The following PPP6R2 variants were observed in gnomAD, a reference collection of about 807,000 sequenced individuals.
The protein encoded by PPP6R2 is serine/threonine-protein phosphatase 6 regulatory subunit 2.
PPP6R2 carries 62 observed loss-of-function variants against 100.2 expected under a neutral mutation model. The ratio of observed to expected loss-of-function variants is 0.62; its 90% CI spans 0.50 to 0.76. The LOEUF is 0.76. PPP6R2 is among the 30% of genes least tolerant of loss of function. The pLI is 0.00. For synonymous variants in PPP6R2, 525 were observed against 514.7 expected (o/e 1.02, Z -0.27); for missense variants, 1,142 against 1,276.3 (o/e 0.89, Z 1.60).
chr22:50,334,362 G>A, the PPP6R2 span, among the ~76,000 whole-genome samples: 8 of 152,220 alleles, frequency 5.3e-5, no homozygotes, highest in South Asian at 1.0e-3. Flanking sequence ...ACTTCTCACC[G>A]TGTCCCTTCA....
rs371590327 is a variant in PPP6R2 at position 50,441,554 on chromosome 22, C to G, written c.2579+528C>G. On this transcript the variant is annotated intron_variant, in intron 22 of 23. Coordinates refer to ENST00000612753, the MANE Select transcript of PPP6R2 (RefSeq NM_001242898.2). ...CTATGATTCCGAGACGCCTCAGAAGCAGGATAGTAGGATGGGGGGCGGCGG... is the reference window on the plus strand; with the variant it reads ...CTATGATTCCGAGACGCCTCAGAAGGAGGATAGTAGGATGGGGGGCGGCGG... 6.6e-5 allele frequency among the ~76,000 whole-genome samples: 10 copies of G among 152,278 alleles called. No homozygotes were observed. In the East Asian group the frequency reaches 1.2e-3, roughly 18 times the overall value.
chr22:50,414,742 C>CAGCTG, intron 5 of PPP6R2, 53 bp downstream of exon 5: 1 of 1,582,460 alleles, frequency 6.3e-7, no homozygotes, highest in Non-Finnish European at 8.6e-7. Context: ...TGCAGGAAGC[C>CAGCTG]AGCTGGTTAA....
At chr22:50,396,226 G>A (rs73439394) in intron 3 of PPP6R2, among the ~76,000 whole-genome samples, 73,425 of 138,112 alleles carry the variant, frequency 0.53, 21,671 homozygotes, top group African/African-American at 0.82. Flanking sequence ...GCCGGGTGTG[G>A]TGGCTCACAC....
chr22:50,350,231 T>C (rs1443737859), intron 1 of PPP6R2, among the ~76,000 whole-genome samples: 1 of 152,116 alleles, frequency 6.6e-6, no homozygotes, highest in African/African-American at 2.4e-5. Flanking sequence ...TACTTCTAGT[T>C]CTGTTACTTA....
At chr22:50,441,089 C>A in intron 22 of PPP6R2, 63 bp downstream of exon 22, 4 of 1,347,386 alleles carry the variant, frequency 3.0e-6, no homozygotes, top group Non-Finnish European at 4.0e-6. Flanking sequence ...CAGGCTCTGT[C>A]CCCAGGTCTC....
At chr22:50,397,773 C>A (rs2057294678) in intron 3 of PPP6R2, among the ~76,000 whole-genome samples, 1 of 45,888 alleles carries the variant, frequency 2.2e-5, no homozygotes. Context: ...GGGGGCCTGT[C>A]CTCACCAGCC....
chr22:50,409,563 G>A (rs771154891), intron 4 of PPP6R2, among the ~76,000 whole-genome samples: 1 of 152,094 alleles, frequency 6.6e-6, no homozygotes, highest in Non-Finnish European at 1.5e-5. Context: ...CAGTAGCCGG[G>A]TCTGCAGGCG....
At chr22:50,349,381 A>C (rs1382950384) in intron 1 of PPP6R2, among the ~76,000 whole-genome samples, 1 of 150,128 alleles carries the variant, frequency 6.7e-6, no homozygotes, top group Non-Finnish European at 1.5e-5. Flanking sequence ...AAAAAAAAAA[A>C]AAACGGGCTG....
intron 1 of PPP6R2, among the ~76,000 whole-genome samples, chr22:50,348,800 G>C (rs1323160930): frequency 6.6e-6 from 1 of 152,166 alleles, no homozygotes; most frequent in Admixed American, 6.6e-5. Flanking sequence ...GGGTGCGGTG[G>C]TTCACGCCTG....
rs138045640 is a variant in PPP6R2, at chr22:50,354,449, G to A, written c.-148+10899G>A. 2.9e-3 allele frequency among the ~76,000 whole-genome samples: 445 copies of A among 152,292 alleles called. 2 individuals are homozygous for A. Among genetic ancestry groups the A allele is most frequent in the African/African-American group, 9.9e-3 (410 of 41,558 alleles). The stretch of plus-strand genomic sequence containing the variant: ...CATGTCCTTTGAGCATCATGTAGAT[G>A]CTCAACAAGTTTTGGATTGGAGTGC... On this transcript the variant is annotated intron_variant, in intron 1 of 23. Transcript: ENST00000612753.
At position 50,423,419 on chromosome 22, in the gene PPP6R2, C is replaced by T; in HGVS notation, c.973-43C>T. ...CCCAGAGACTCCAGCAGTGGCCTCA[C>T]TGCTCACAGGGCCTAACTGGGTGGT... On this transcript the variant is annotated intron_variant, in intron 9 of 23. Coordinates refer to ENST00000612753, the MANE Select transcript of PPP6R2 (RefSeq NM_001242898.2). The surrounding 1 kb of genome is among the most constrained non-coding windows in gnomAD (Gnocchi z 4.8). 2 of 1,611,050 alleles carry T rather than the reference C, an allele frequency of 1.2e-6. No individual in the cohort carries two copies. The highest frequency in any genetic ancestry group is 1.7e-6 in the Non-Finnish European group (2 of 1,177,586).
intron 1 of PPP6R2, among the ~76,000 whole-genome samples, chr22:50,366,179 G>T (rs1056838331): frequency 2.0e-5 from 3 of 152,034 alleles, no homozygotes; most frequent in African/African-American, 4.8e-5. Context: ...TTTAGTCTAG[G>T]GCTAGTTTTG....
chr22:50,437,768 G>A (rs769631975), intron 16 of PPP6R2, 75 bp from the exon 17 acceptor site: 14 of 1,501,976 alleles, frequency 9.3e-6, no homozygotes, highest in Admixed American at 2.0e-5. Context: ...GATGAGCACC[G>A]GGGGAGGAGC....
At chr22:50,372,711 C>T (rs370286934) in intron 2 of PPP6R2, among the ~76,000 whole-genome samples, 67 of 150,772 alleles carry the variant, frequency 4.4e-4, no homozygotes, top group Middle Eastern at 6.8e-3. Flanking sequence ...TTTTTTGAGA[C>T]GGAGTCTTGC....
At chr22:50,403,025 C>T (rs1362443440) in intron 3 of PPP6R2, among the ~76,000 whole-genome samples, 1 of 152,094 alleles carries the variant, frequency 6.6e-6, no homozygotes, top group Non-Finnish European at 1.5e-5. Context: ...CCAGCCTGGC[C>T]ATCATGGTAA....
chr22:50,418,510 C>T (rs2060854894), intron 6 of PPP6R2, among the ~76,000 whole-genome samples: 2 of 151,942 alleles, frequency 1.3e-5, no homozygotes, highest in Admixed American at 1.3e-4. Context: ...CCTCAGCCAA[C>T]CGAGTAGCTG....
chr22:50,429,032 AT>A (rs34500818), intron 10 of PPP6R2, among the ~76,000 whole-genome samples: 35,603 of 145,698 alleles, frequency 0.24, 4,125 homozygotes, highest in East Asian at 0.26. Flanking sequence ...AGTATGTTGA[AT>A]TTTTTTTTTT....
chr22:50,421,340 G>GATT lies in PPP6R2; in HGVS notation c.846-898_846-896dup, dbSNP rs888044990. Among the ~76,000 whole-genome samples, 8 of 152,080 alleles carry GATT rather than the reference G, an allele frequency of 5.3e-5. No individual in the cohort carries two copies. The South Asian group carries it at 6.2e-4, about 12-fold the overall frequency. On this transcript the variant is annotated intron_variant, in intron 8 of 23. Coordinates refer to ENST00000612753, the MANE Select transcript of PPP6R2 (RefSeq NM_001242898.2). Reference sequence around the variant, plus strand: ...CCAGCTGTTTCTCTTAGATTATTGTGATTATTATTATTATTATTTTCAGAC... The same window carrying GATT: ...CCAGCTGTTTCTCTTAGATTATTGTGATTATTATTATTATTATTATTTTCAGAC...
upstream of PPP6R2, among the ~76,000 whole-genome samples, chr22:50,339,779 TGTGTGTGTG>T (rs1569219089): frequency 1.1e-5 from 1 of 94,708 alleles, no homozygotes; most frequent in Admixed American, 1.1e-4. Flanking sequence ...TGGTATGTGG[TGTGTGTGTG>T]GTGTGTGTGG....
Sources: allele counts gnomAD v4.1 joint callset (sites outside exome capture counted in the v4.1 genomes callset), GRCh38; gene constraint gnomAD v4.1.1; non-coding constraint Gnocchi (gnomAD v3.1); transcripts MANE v1.5; gene names NCBI Gene and HGNC (gene_info 2026-07-23, HGNC 2026-07-21).